The following SMAD7 variants were observed in gnomAD, a reference collection of about 807,000 sequenced individuals.
SMAD7 encodes SMAD family member 7.
In SMAD7, 8 loss-of-function variants were observed where a neutral mutation model predicts 38.7. That is an observed-to-expected ratio of 0.21 (90% CI 0.12 to 0.37). The LOEUF is 0.37. SMAD7 is among the 10% of genes least tolerant of loss of function. The pLI is 1.00. For synonymous variants in SMAD7, 327 were observed against 265.1 expected, an observed-to-expected ratio of 1.23 and a Z score of -2.27; for missense variants, 477 against 577.9, an observed-to-expected ratio of 0.83 and a Z score of 1.79.
chr18:48,935,103 C>A (rs768053641), intron 3 of SMAD7, among the ~76,000 whole-genome samples: 17 of 152,274 alleles, frequency 1.1e-4, no homozygotes, highest in Non-Finnish European at 2.4e-4. Context: ...ACTGAATCCA[C>A]GGGGCACCTT....
rs1282927195 is a variant in SMAD7 at position 48,950,356 on chromosome 18, G to C, written c.69C>G (p.Asp23Glu). The change falls in exon 1 of 4, where the codon GAC (aspartate) becomes GAG (glutamate). Residue 23 changes from aspartate (D) to glutamate (E), a missense_variant. Around this residue, in one of 2 missense-constraint regions of SMAD7, gnomAD observed 376 missense variants for 379.4 expected, o/e 0.99. Transcript: ENST00000262158. Reference sequence around the variant, plus strand: ...CACCTCCCCCTGCGCCCTCCTCCTCGTCCTCGCCGCCGGGCGCACGGCTCC... The same window carrying C: ...CACCTCCCCCTGCGCCCTCCTCCTCCTCCTCGCCGCCGGGCGCACGGCTCC... ...LWRSRAPGGEDEEEGAGGGGG... is the reference protein window; with the variant it reads ...LWRSRAPGGEEEEEGAGGGGG... 5 of 1,541,124 alleles carry C rather than the reference G, an allele frequency of 3.2e-6. No individual in the cohort carries two copies. Among genetic ancestry groups the C allele is most frequent in the Non-Finnish European group, 3.5e-6 (4 of 1,143,210 alleles).
intron 3 of SMAD7, among the ~76,000 whole-genome samples, chr18:48,936,279 A>C (rs1029643995): frequency 6.6e-6 from 1 of 152,052 alleles, no homozygotes; most frequent in Non-Finnish European, 1.5e-5. Flanking sequence ...CTCCACAATC[A>C]CTGTTCCTTA....
chr18:48,941,658 A>C (rs1236075849), intron 3 of SMAD7, among the ~76,000 whole-genome samples: 4 of 152,246 alleles, frequency 2.6e-5, no homozygotes, highest in Admixed American at 6.5e-5. Flanking sequence ...AGTTCTTAGA[A>C]AATCTAGTGA....
intron 2 of SMAD7, among the ~76,000 whole-genome samples, chr18:48,947,897 C>T (rs868845939): frequency 6.7e-6 from 1 of 149,194 alleles, no homozygotes; most frequent in African/African-American, 2.5e-5. Flanking sequence ...AACCTACCCC[C>T]CCCCCCCTTT....
chr18:48,925,491 G>C (rs1235652045), intron 3 of SMAD7, among the ~76,000 whole-genome samples: 1 of 152,142 alleles, frequency 6.6e-6, no homozygotes, highest in African/African-American at 2.4e-5. Flanking sequence ...TAAAGGGAAG[G>C]GGGAGGTGGG....
intron 3 of SMAD7, among the ~76,000 whole-genome samples, chr18:48,935,607 G>T (rs2070055154): frequency 2.0e-5 from 3 of 152,204 alleles, no homozygotes; most frequent in Non-Finnish European, 4.4e-5. Context: ...CGCAGTCACT[G>T]GGATGGGCAG....
rs369444426 is a variant in SMAD7 at position 48,921,814 on chromosome 18, T to C, written c.839A>G (p.Gln280Arg). 22 of 1,613,984 alleles carry C rather than the reference T, an allele frequency of 1.4e-5. No individual in the cohort carries two copies. Among genetic ancestry groups the C allele is most frequent in the Non-Finnish European group, 1.8e-5 (21 of 1,179,992 alleles). Reference protein sequence around the residue: ...KTRVGRLYCVQEPSLDIFYDL... With the variant: ...KTRVGRLYCVREPSLDIFYDL... ...ATAGAAGATATCCAGAGAGGGCTCCTGGACACAGTAGAGCCTCCCCACTCT... is the reference window on the plus strand; with the variant it reads ...ATAGAAGATATCCAGAGAGGGCTCCCGGACACAGTAGAGCCTCCCCACTCT... The change falls in exon 4 of 4, where the codon CAG becomes CGG. Residue 280 changes from glutamine (Q) to arginine (R), a missense_variant. Gln to Arg is a conservative substitution (Grantham distance 43, BLOSUM62 1). Coordinates refer to ENST00000262158, the MANE Select transcript of SMAD7 (RefSeq NM_005904.4). This position sits in a 1 kb window ranked among gnomAD's most constrained non-coding sequence, Gnocchi z 6.4.
chr18:48,945,607 C>G (rs1214489583), intron 2 of SMAD7, among the ~76,000 whole-genome samples: 1 of 152,056 alleles, frequency 6.6e-6, no homozygotes, highest in Non-Finnish European at 1.5e-5. Context: ...TAAAAGAGGC[C>G]TAGAAAAGTT....
At chr18:48,945,644 C>T (rs1016032956) in intron 2 of SMAD7, among the ~76,000 whole-genome samples, 5 of 152,170 alleles carry the variant, frequency 3.3e-5, no homozygotes, top group South Asian at 4.1e-4. Context: ...AAGAGAGAAA[C>T]GCAGTGCCAG....
Position 48,950,015 on chromosome 18 carries a change from C to A in SMAD7, c.410G>T (p.Gly137Val), listed in dbSNP as rs757109163. The change falls in exon 1 of 4, where the codon GGC becomes GTC. Residue 137 changes from glycine (G) to valine (V), a missense_variant. Physicochemically the swap from Gly to Val is moderately radical, Grantham distance 109. Around this residue, in one of 2 missense-constraint regions of SMAD7, gnomAD observed 376 missense variants for 379.4 expected, o/e 0.99. Coordinates refer to ENST00000262158, the MANE Select transcript of SMAD7 (RefSeq NM_005904.4). ...LLPGRLDCRL[G>V]PGAPAGAQPA... ...CTGCGCGCCGGCGGGCGCCCCCGGG[C>A]CCAGCCTGCAGTCCAGGCGGCCGGG... The A allele has an allele frequency of 6.4e-6, 10 of 1,565,666 alleles. No homozygotes were observed. The highest frequency in any genetic ancestry group is 7.8e-6 in the Non-Finnish European group (9 of 1,157,950).
intron 3 of SMAD7, among the ~76,000 whole-genome samples, chr18:48,926,579 G>C (rs924388401): frequency 1.3e-5 from 2 of 152,260 alleles, no homozygotes; most frequent in African/African-American, 4.8e-5. Context: ...GGGGAGGAAG[G>C]GCGCCTGGGC....
At chr18:48,941,503 C>A (rs1330228980) in intron 3 of SMAD7, among the ~76,000 whole-genome samples, 1 of 152,162 alleles carries the variant, frequency 6.6e-6, no homozygotes, top group Non-Finnish European at 1.5e-5. Context: ...AAAAAGGGTG[C>A]CCCTCACACA....
At chr18:48,939,840 C>G (rs1480081349) in intron 3 of SMAD7, among the ~76,000 whole-genome samples, 1 of 151,334 alleles carries the variant, frequency 6.6e-6, no homozygotes, top group Non-Finnish European at 1.5e-5. Context: ...GCTCCCACCC[C>G]CCAACCTCAG....
chr18:48,924,059 C>T (rs886123456), intron 3 of SMAD7, among the ~76,000 whole-genome samples: 15 of 152,240 alleles, frequency 9.9e-5, no homozygotes, highest in East Asian at 9.6e-4. Flanking sequence ...AAGTGTGAAG[C>T]GGGGGAGAAA....
chr18:48,925,901 C>A, intron 3 of SMAD7, among the ~76,000 whole-genome samples: 1 of 152,158 alleles, frequency 6.6e-6, no homozygotes, highest in East Asian at 1.9e-4. Flanking sequence ...CACCCGCCAC[C>A]ACGCCTGGCT....
In SMAD7 at chr18:48,929,530, C is replaced by T. The variant is rs74469119; in HGVS notation, c.743-7620G>A. Among the ~76,000 whole-genome samples the T allele has an allele frequency of 7.3e-5, 11 of 150,674 alleles. No homozygotes were observed. The East Asian group carries it at 2.1e-3, about 29-fold the overall frequency. On this transcript the variant is annotated intron_variant, in intron 3 of 3. Coordinates refer to ENST00000262158, the MANE Select transcript of SMAD7 (RefSeq NM_005904.4). ...ATGCTGATTCATTCTCTCTCTCTCT[C>T]TCTCAATCTCTTTCTCTCTTTCTCT...
chr18:48,934,620 T>C (rs907270591), intron 3 of SMAD7, among the ~76,000 whole-genome samples: 2 of 152,158 alleles, frequency 1.3e-5, no homozygotes, highest in East Asian at 3.8e-4. Context: ...AAAGATTCTT[T>C]AGTAAAATGG....
At chr18:48,945,885 TG>T (rs1320949739) in intron 2 of SMAD7, among the ~76,000 whole-genome samples, 1 of 151,808 alleles carries the variant, frequency 6.6e-6, no homozygotes, top group African/African-American at 2.4e-5. Context: ...GATGTGGAGG[TG>T]GGGGTGTCTT....
intron 2 of SMAD7, among the ~76,000 whole-genome samples, chr18:48,947,699 A>T (rs1417541900): frequency 6.6e-6 from 1 of 152,266 alleles, no homozygotes; most frequent in African/African-American, 2.4e-5. Flanking sequence ...GCTGCCGGCC[A>T]GAAGTTGAAT....
Sources: allele counts gnomAD v4.1 joint callset (sites outside exome capture counted in the v4.1 genomes callset), GRCh38; gene constraint gnomAD v4.1.1; regional missense constraint gnomAD v4.1.1; non-coding constraint Gnocchi (gnomAD v3.1); transcripts MANE v1.5; gene names NCBI Gene and HGNC (gene_info 2026-07-23, HGNC 2026-07-21).